KIFC3: variants seen among roughly 807,000 people sequenced by gnomAD.
KIFC3 encodes kinesin-like protein KIFC3.
In KIFC3, 60 loss-of-function variants were observed where a neutral mutation model predicts 101.8. That is an observed-to-expected ratio of 0.59 (90% CI 0.48 to 0.73). KIFC3 has a LOEUF of 0.73. Ranked by LOEUF, KIFC3 falls within the 30% of genes least tolerant of loss-of-function variation. KIFC3 has a pLI of 0.00. For synonymous variants in KIFC3, 476 were observed against 482.7 expected (o/e 0.99, Z 0.18); for missense variants, 966 against 1,137.1 (o/e 0.85, Z 2.16).
At chr16:57,794,317 CT>C in intron 3 of KIFC3, among the ~76,000 whole-genome samples, 1 of 151,884 alleles carries the variant, frequency 6.6e-6, no homozygotes. Flanking sequence ...CCTCAACCTC[CT>C]GGGCTCAAGC....
chr16:57,855,065 A>G lies in KIFC3; in HGVS notation c.108+7664T>C, dbSNP rs117509989. On this transcript the variant is annotated intron_variant, in intron 1 of 2. Coordinates refer to the KIFC3 transcript ENST00000563028. Reference sequence around the variant, plus strand: ...CAAGATGCCATCTCTACAAAGAATAAAAATTAAAAACAAAATAAAAAAGGT... The same window carrying G: ...CAAGATGCCATCTCTACAAAGAATAGAAATTAAAAACAAAATAAAAAAGGT... 5.5e-3 allele frequency among the ~76,000 whole-genome samples: 834 copies of G among 152,146 alleles called. 22 individuals are homozygous for G. In the South Asian group the frequency reaches 0.056, roughly 10 times the overall value.
intron 9 of KIFC3, among the ~76,000 whole-genome samples, chr16:57,767,789 C>T (rs1356053157): frequency 6.6e-6 from 1 of 152,128 alleles, no homozygotes; most frequent in Non-Finnish European, 1.5e-5. Flanking sequence ...CCTCCCACCT[C>T]AGCCTCCCGA....
At chr16:57,803,293 G>A, upstream of KIFC3, 1 of 693,334 alleles carries the variant, frequency 1.4e-6, no homozygotes, top group Non-Finnish European at 2.6e-6. Flanking sequence ...GGGAGAGACA[G>A]CTGACCTGGA....
chr16:57,787,236 G>A (rs114355169), intron 3 of KIFC3, among the ~76,000 whole-genome samples: 122 of 152,360 alleles, frequency 8.0e-4, no homozygotes, highest in African/African-American at 2.7e-3. Flanking sequence ...TCTGCCACTC[G>A]AGAGACGTGT....
intron 17 of KIFC3, 194 bp downstream of exon 17, chr16:57,760,088 A>C: frequency 1.4e-6 from 1 of 702,404 alleles, no homozygotes; most frequent in Non-Finnish European, 2.4e-6. Flanking sequence ...CCCCACAGGA[A>C]CCTCCGAGGC....
chr16:57,761,916 A>G (rs144285112), intron 13 of KIFC3, among the ~76,000 whole-genome samples: 3 of 149,786 alleles, frequency 2.0e-5, no homozygotes, highest in African/African-American at 7.4e-5. Context: ...TGGTCCCTAC[A>G]CTCCCTTCAC....
At chr16:57,847,485 A>T (rs544079975) in intron 1 of KIFC3, among the ~76,000 whole-genome samples, 11 of 152,206 alleles carry the variant, frequency 7.2e-5, no homozygotes, top group Admixed American at 4.6e-4. Context: ...GTCACAGAGA[A>T]TTTATTGGTG....
chr16:57,771,545 G>A lies in KIFC3; in HGVS notation c.523C>T (p.Gln175Ter), dbSNP rs2051207965. ...AGPCPGCEHS[Q>*]ESAQLRDKLS... ...GGGACCACGGCCATTCTGCTCACCT[G>A]GCTGTGCTCACAACCTGGGCAGGGA... The change falls in exon 5 of 20, where the codon CAG becomes TAG. Residue 175 changes from glutamine (Q) to a stop codon, truncating the protein, a stop_gained and splice_region_variant. Transcript: ENST00000445690. LOFTEE classifies it high-confidence loss of function. The A allele has an allele frequency of 6.2e-7, 1 of 1,612,746 alleles. No individual in the cohort carries two copies. The highest frequency in any genetic ancestry group is 8.5e-7 in the Non-Finnish European group (1 of 1,179,522).
intron 14 of KIFC3, 111 bp downstream of exon 14, chr16:57,761,302 C>T (rs1441791598): frequency 3.4e-5 from 54 of 1,566,062 alleles, no homozygotes; most frequent in Middle Eastern, 3.4e-4. Flanking sequence ...CTCAGAGAGG[C>T]GTGCGGACTT....
chr16:57,854,320 T>A (rs1051869682), intron 1 of KIFC3, among the ~76,000 whole-genome samples: 3 of 152,128 alleles, frequency 2.0e-5, no homozygotes, highest in Non-Finnish European at 2.9e-5. Flanking sequence ...TATAATGATA[T>A]AGGTATGTTA....
At chr16:57,861,649 G>A (rs961994171) in intron 1 of KIFC3, among the ~76,000 whole-genome samples, 1 of 152,114 alleles carries the variant, frequency 6.6e-6, no homozygotes, top group South Asian at 2.1e-4. Flanking sequence ...GCAAAAGGGA[G>A]CCATGTGATC....
intron 1 of KIFC3, among the ~76,000 whole-genome samples, chr16:57,812,352 T>TA (rs71152299): frequency 0.85 from 117,161 of 137,598 alleles, 50,828 homozygotes; most frequent in Non-Finnish European, 0.95. Flanking sequence ...CCCCATCTCT[T>TA]AAAAAAAAAA....
At chr16:57,819,647 G>A (rs964912213) in intron 1 of KIFC3, among the ~76,000 whole-genome samples, 1 of 151,798 alleles carries the variant, frequency 6.6e-6, no homozygotes, top group Non-Finnish European at 1.5e-5. Flanking sequence ...TGCAGCCTCC[G>A]CCTCCCAGGT....
intron 1 of KIFC3, among the ~76,000 whole-genome samples, chr16:57,858,137 T>A (rs1259801926): frequency 1.3e-5 from 2 of 152,158 alleles, no homozygotes; most frequent in Non-Finnish European, 1.5e-5. Flanking sequence ...TTATCCAGTC[T>A]ATCATTGATG....
At chr16:57,858,995 A>G (rs575538247) in intron 1 of KIFC3, among the ~76,000 whole-genome samples, 2 of 152,348 alleles carry the variant, frequency 1.3e-5, no homozygotes, top group East Asian at 3.8e-4. Flanking sequence ...TTCACAAAAC[A>G]AATTTAATTG....
At chr16:57,817,627 C>G (rs989521953) in intron 1 of KIFC3, among the ~76,000 whole-genome samples, 5 of 152,176 alleles carry the variant, frequency 3.3e-5, no homozygotes, top group Non-Finnish European at 7.3e-5. Flanking sequence ...CCAAATCTCC[C>G]TCTTCTTAGG....
intron 3 of KIFC3, among the ~76,000 whole-genome samples, chr16:57,787,282 G>A (rs140560810): frequency 1.4e-3 from 219 of 152,300 alleles, no homozygotes; most frequent in Middle Eastern, 3.4e-3. Flanking sequence ...AGGAGAAATG[G>A]GGACAAGGAG....
chr16:57,799,722 A>C (rs1401216150), intron 1 of KIFC3, among the ~76,000 whole-genome samples: 1 of 152,226 alleles, frequency 6.6e-6, no homozygotes, highest in Non-Finnish European at 1.5e-5. Flanking sequence ...CAGCCATGTG[A>C]TAACAGGGCT....
At chr16:57,838,834 C>T (rs905911499) in intron 1 of KIFC3, among the ~76,000 whole-genome samples, 3 of 152,064 alleles carry the variant, frequency 2.0e-5, no homozygotes, top group Non-Finnish European at 4.4e-5. Context: ...AAATCTGTGG[C>T]GTCTCTGTGT....
Sources: allele counts gnomAD v4.1 joint callset (sites outside exome capture counted in the v4.1 genomes callset), GRCh38; gene constraint gnomAD v4.1.1; transcripts MANE v1.5; gene names NCBI Gene and HGNC (gene_info 2026-07-23, HGNC 2026-07-21).